CREBBP: variants seen among roughly 807,000 people sequenced by gnomAD.
The protein encoded by CREBBP is CREB-binding protein.
Under a neutral mutation model 265.0 loss-of-function variants are expected in CREBBP, and 19 were observed. The observed-to-expected ratio is 0.07, with a 90% CI of 0.05 to 0.11. CREBBP has a LOEUF of 0.11. CREBBP is among the 10% of genes least tolerant of loss of function. CREBBP has a pLI of 1.00. For missense variants in CREBBP, 2,525 were observed against 3,219.0 expected (o/e 0.78, Z 5.22); for synonymous variants, 1,457 against 1,223.7 (o/e 1.19, Z -3.98).
Position 3,850,918 on chromosome 16 carries a change from A to T in CREBBP, c.177T>A (p.Leu59=), listed in dbSNP as rs201027381. Residue 59 remains leucine, a synonymous_variant, in exon 2 of 31, where the codon CTT becomes CTA. Transcript: ENST00000262367. ...TATGTTTGGAAGCAGCATCTGGAAC[A>T]AGGTTCCCACTGTTTAAAAGGCCTA... ...GELGLLNSGN[L]VPDAASKHKQ... The T allele has an allele frequency of 2.2e-4, 356 of 1,614,180 alleles. 3 individuals carry two copies. The South Asian group carries it at 2.8e-3, about 12-fold the overall frequency.
intron 3 of CREBBP, among the ~76,000 whole-genome samples, chr16:3,807,376 C>A (rs138306267): frequency 1.3e-5 from 2 of 152,266 alleles, no homozygotes; most frequent in East Asian, 3.9e-4. Flanking sequence ...TAGTTGGGTA[C>A]CCCCTAAAGC....
In CREBBP at chr16:3,731,748, C is replaced by T. The variant is rs761040315; in HGVS notation, c.4890+28G>A. 1.2e-5 allele frequency: 20 copies of T among 1,613,516 alleles called. No individual in the cohort carries two copies. Among genetic ancestry groups the T allele is most frequent in the South Asian group, 7.7e-5 (7 of 91,070 alleles). ...CTTTCCCTCCTCCCGGCCAGAGGCACGGCTGCAGCACCGCAGCCCACGCCT... is the reference window on the plus strand; with the variant it reads ...CTTTCCCTCCTCCCGGCCAGAGGCATGGCTGCAGCACCGCAGCCCACGCCT... On this transcript the variant is annotated intron_variant, in intron 29 of 30. Transcript: ENST00000262367. The surrounding 1 kb of genome is among the most constrained non-coding windows in gnomAD (Gnocchi z 7.7).
Sources: allele counts gnomAD v4.1 joint callset (sites outside exome capture counted in the v4.1 genomes callset), GRCh38; gene constraint gnomAD v4.1.1; non-coding constraint Gnocchi (gnomAD v3.1); transcripts MANE v1.5; gene names NCBI Gene and HGNC (gene_info 2026-07-23, HGNC 2026-07-21).